Variants in TTC28 observed in about 807,000 individuals in gnomAD.
The protein encoded by TTC28 is tetratricopeptide repeat domain 28.
TTC28 carries 61 observed loss-of-function variants against 198.0 expected under a neutral mutation model. The observed-to-expected ratio is 0.31, with a 90% CI of 0.25 to 0.38. The LOEUF (loss-of-function observed/expected upper bound fraction) is 0.38. Ranked by LOEUF, TTC28 falls within the 10% of genes least tolerant of loss-of-function variation. The probability of loss-of-function intolerance (pLI) is 1.00; values close to 1 mark genes in which losing one functional copy is unlikely to be tolerated. For missense variants in TTC28, 2,678 were observed against 3,164.0 expected (o/e 0.85, Z 3.69); for synonymous variants, 1,171 against 1,297.8 (o/e 0.90, Z 2.10).
intron 2 of TTC28, among the ~76,000 whole-genome samples, chr22:28,506,479 G>A (rs936235068): frequency 6.6e-6 from 1 of 152,076 alleles, no homozygotes; most frequent in Admixed American, 6.5e-5. Flanking sequence ...AGCTGTTCCG[G>A]TCTACCAGCT....
At chr22:28,018,852 C>T (rs1230482433) in intron 13 of TTC28, among the ~76,000 whole-genome samples, 1 of 152,206 alleles carries the variant, frequency 6.6e-6, no homozygotes, top group East Asian at 1.9e-4. Context: ...GATACAGCCC[C>T]TCCCTGGTTG....
At chr22:28,579,830 C>G (rs952270062) in intron 2 of TTC28, among the ~76,000 whole-genome samples, 5 of 151,914 alleles carry the variant, frequency 3.3e-5, no homozygotes, top group Non-Finnish European at 7.4e-5. Flanking sequence ...ATTAGCCAGG[C>G]ATGGTGGCAC....
chr22:28,579,127 CATAT>C (rs1407939059), intron 2 of TTC28, among the ~76,000 whole-genome samples: 1 of 150,716 alleles, frequency 6.6e-6, no homozygotes, highest in African/African-American at 2.4e-5. Context: ...TACATACATA[CATAT>C]AGCCATATAT....
At chr22:28,429,578 T>C (rs1294541401) in intron 2 of TTC28, among the ~76,000 whole-genome samples, 2 of 152,220 alleles carry the variant, frequency 1.3e-5, no homozygotes, top group Admixed American at 1.3e-4. Flanking sequence ...TAATTTTCTA[T>C]ACTTAGCACC....
At chr22:28,574,217 G>T (rs985894685) in intron 2 of TTC28, among the ~76,000 whole-genome samples, 6 of 152,180 alleles carry the variant, frequency 3.9e-5, no homozygotes, top group East Asian at 1.9e-4. Context: ...TCACTATGTT[G>T]CCCAGGCTGA....
intron 2 of TTC28, among the ~76,000 whole-genome samples, chr22:28,310,010 T>G (rs538147301): frequency 6.6e-6 from 1 of 152,138 alleles, no homozygotes; most frequent in Non-Finnish European, 1.5e-5. Context: ...GATTATTCCA[T>G]GCATACTACT....
intron 6 of TTC28, 91 bp downstream of exon 6, chr22:28,163,001 C>A (rs552614665): frequency 1.7e-5 from 23 of 1,385,044 alleles, no homozygotes; most frequent in Non-Finnish European, 2.0e-5. Context: ...TAAATATAAA[C>A]ACACAGATTC....
chr22:28,131,771 T>C (rs1943064687), intron 6 of TTC28, among the ~76,000 whole-genome samples: 1 of 152,228 alleles, frequency 6.6e-6, no homozygotes, highest in Non-Finnish European at 1.5e-5. Flanking sequence ...GGTTGTTTTA[T>C]GGATTAAGTG....
In TTC28 at chr22:28,321,084, C is replaced by T. The variant is rs1424416426; in HGVS notation, c.382-14441G>A. Among the ~76,000 whole-genome samples the T allele has an allele frequency of 2.0e-5, 3 of 152,098 alleles. 1 individual carries two copies. In the East Asian group the frequency reaches 5.8e-4, roughly 29 times the overall value. On this transcript the variant is annotated intron_variant, in intron 2 of 22. Coordinates refer to ENST00000397906, the MANE Select transcript of TTC28 (RefSeq NM_001145418.2). ...ATATCAGAAGATAAAAGAAATATAGCAAATTATACTGCTGGTAAAAAATCC... is the reference window on the plus strand; with the variant it reads ...ATATCAGAAGATAAAAGAAATATAGTAAATTATACTGCTGGTAAAAAATCC...
chr22:28,431,816 A>G (rs989819107), intron 2 of TTC28, among the ~76,000 whole-genome samples: 1 of 151,952 alleles, frequency 6.6e-6, no homozygotes, highest in Non-Finnish European at 1.5e-5. Flanking sequence ...TGTCTCTACT[A>G]AAAATACAAA....
Position 28,271,013 on chromosome 22 carries a change from T to C in TTC28, c.933+25185A>G, listed in dbSNP as rs558658794. ...TACAAATACGTTTATCTCTTTTTTATAAAAGAAGCTATCAATTTGACTGAT... is the reference window on the plus strand; with the variant it reads ...TACAAATACGTTTATCTCTTTTTTACAAAAGAAGCTATCAATTTGACTGAT... On this transcript the variant is annotated intron_variant, in intron 5 of 22. Transcript: ENST00000397906. Among the ~76,000 whole-genome samples, 18 of 152,310 alleles carry C rather than the reference T, an allele frequency of 1.2e-4. No individual in the cohort carries two copies. The East Asian group carries it at 3.5e-3, about 29-fold the overall frequency.
chr22:28,294,448 T>C (rs1432169640), intron 5 of TTC28, among the ~76,000 whole-genome samples: 3 of 152,202 alleles, frequency 2.0e-5, no homozygotes, highest in African/African-American at 7.2e-5. Flanking sequence ...CCTACAATGA[T>C]ATTTCTTTAC....
intron 2 of TTC28, among the ~76,000 whole-genome samples, chr22:28,485,288 TTTAG>T (rs2048301896): frequency 6.6e-6 from 1 of 152,220 alleles, no homozygotes. Flanking sequence ...ACATTTCATT[TTTAG>T]TTACATGAAA....
At position 28,298,766 on chromosome 22, in the gene TTC28, T is replaced by C. The variant is rs114735960; in HGVS notation, c.530-914A>G. ...ACGCCCAGGCTGATAAACTTGAATC[T>C]GAACGACAGATTAATAAACCCTGTC... On this transcript the variant is annotated intron_variant, in intron 3 of 22. Transcript: ENST00000397906. Among the ~76,000 whole-genome samples the C allele has an allele frequency of 2.6e-3, 401 of 152,260 alleles. 1 individual carries two copies. Among genetic ancestry groups the C allele is most frequent in the African/African-American group, 9.1e-3 (379 of 41,548 alleles).
intron 1 of TTC28, among the ~76,000 whole-genome samples, chr22:28,636,275 A>T (rs1324981342): frequency 1.3e-5 from 2 of 150,854 alleles, no homozygotes; most frequent in East Asian, 3.9e-4. Context: ...ACAGGTGCCC[A>T]CCACCATGTC....
intron 14 of TTC28, among the ~76,000 whole-genome samples, chr22:28,003,837 C>T (rs967500279): frequency 6.6e-6 from 1 of 152,206 alleles, no homozygotes; most frequent in African/African-American, 2.4e-5. Context: ...TCCAACACTC[C>T]ACCAGGGGTG....
Position 27,980,904 on chromosome 22 carries a change from A to ATCTC in TTC28, c.*1313_*1316dup, listed in dbSNP as rs1347806741. On this transcript the variant is annotated 3_prime_UTR_variant, in exon 23 of 23. Transcript: ENST00000397906. The stretch of plus-strand genomic sequence containing the variant: ...AGTCCACCTCCACTTTTTAAGATAC[A>ATCTC]TCTCTCTCTTCCCGGTTGGCCATAA... 1.3e-5 allele frequency: 2 copies of ATCTC among 152,298 alleles called. No individual in the cohort carries two copies. Among genetic ancestry groups the ATCTC allele is most frequent in the East Asian group, 3.9e-4 (2 of 5,184 alleles). The allele number at this position is 152,298 out of a possible 1,614,324, so 9.4% of individuals were successfully genotyped here.
chr22:28,237,414 A>C (rs1929331569), intron 5 of TTC28, among the ~76,000 whole-genome samples: 1 of 152,230 alleles, frequency 6.6e-6, no homozygotes, highest in South Asian at 2.1e-4. Context: ...ACTCCAGTTG[A>C]GAAAGACTGC....
intron 2 of TTC28, among the ~76,000 whole-genome samples, chr22:28,611,507 T>TTTTTAA (rs1569058994): frequency 9.3e-4 from 90 of 96,820 alleles, no homozygotes; most frequent in African/African-American, 2.7e-3. Flanking sequence ...TTTTTTTAAT[T>TTTTTAA]TTTTTTTTTT....
Sources: gnomAD v4.1 joint callset for allele counts (sites outside exome capture counted in the v4.1 genomes callset) on GRCh38, gnomAD v4.1.1 for gene constraint, MANE v1.5 for transcripts, NCBI Gene and HGNC (gene_info 2026-07-23, HGNC 2026-07-21) for gene names.